Variants in KAZN observed in about 807,000 individuals in gnomAD.
KAZN encodes kazrin, periplakin interacting protein, also known as kazrin.
Under a neutral mutation model 87.4 loss-of-function variants are expected in KAZN, and 40 were observed. That is an observed-to-expected ratio of 0.46 (90% CI 0.36 to 0.60). The LOEUF (loss-of-function observed/expected upper bound fraction) is 0.60, where lower values mean the gene tolerates loss of function less well. Ranked by LOEUF, KAZN falls within the 20% of genes least tolerant of loss-of-function variation. The probability of loss-of-function intolerance (pLI) is 0.00; values close to 1 mark genes in which losing one functional copy is unlikely to be tolerated. For synonymous variants in KAZN, 466 were observed against 458.3 expected (o/e 1.02, Z -0.22); for missense variants, 898 against 1,073.9 (o/e 0.84, Z 2.29).
intron 2 of KAZN, among the ~76,000 whole-genome samples, chr1:14,278,972 A>T (rs57588469): frequency 0.039 from 5,494 of 142,664 alleles, 383 homozygotes; most frequent in African/African-American, 0.14. Flanking sequence ...TATTTCCAAC[A>T]TGCCACTGCG....
chr1:14,589,550 G>A lies in KAZN; in HGVS notation c.250-9433G>A, dbSNP rs1351169326. Among the ~76,000 whole-genome samples the A allele has an allele frequency of 3.9e-5, 6 of 152,152 alleles. No homozygotes were observed. In the East Asian group the frequency reaches 1.2e-3, roughly 29 times the overall value. On this transcript the variant is annotated intron_variant, in intron 2 of 16. Transcript: ENST00000636203. ...CTGACTTATACAGCGTACACCATTT[G>A]GCAAATACAGATTTTTCCCGGGGCA...
chr1:14,124,148 C>T (rs572010726), intron 1 of KAZN: 2 of 152,346 alleles, frequency 1.3e-5, no homozygotes, highest in African/African-American at 4.8e-5. Context: ...ACAATTTCAA[C>T]ATTTGGTGCC....
chr1:14,421,704 A>T (rs1258360421), intron 2 of KAZN, among the ~76,000 whole-genome samples: 8 of 152,190 alleles, frequency 5.3e-5, no homozygotes, highest in Admixed American at 5.2e-4. Flanking sequence ...AACTTCACAG[A>T]ACCTGATTTT....
At chr1:13,998,206 C>T (rs1213681638) in intron 1 of KAZN, among the ~76,000 whole-genome samples, 6 of 152,162 alleles carry the variant, frequency 3.9e-5, no homozygotes, top group Non-Finnish European at 7.4e-5. Flanking sequence ...CCTGCCATTG[C>T]AAGAGCTCCT....
intron 2 of KAZN, among the ~76,000 whole-genome samples, chr1:14,237,495 A>G (rs568142070): frequency 6.6e-6 from 1 of 152,258 alleles, no homozygotes; most frequent in East Asian, 1.9e-4. Context: ...GGAGAGTTTT[A>G]GTGTGCAGAT....
intron 1 of KAZN, among the ~76,000 whole-genome samples, chr1:14,690,816 T>G (rs1641246811): frequency 6.6e-6 from 1 of 152,202 alleles, no homozygotes; most frequent in African/African-American, 2.4e-5. Context: ...TAGTTTTGTG[T>G]AATTACACTC....
intron 1 of KAZN, among the ~76,000 whole-genome samples, chr1:14,011,536 A>G (rs1390723003): frequency 6.6e-6 from 1 of 152,010 alleles, no homozygotes; most frequent in South Asian, 2.1e-4. Context: ...CATTCTTCCT[A>G]TGGAAGAGCT....
intron 2 of KAZN, among the ~76,000 whole-genome samples, chr1:14,296,945 G>T (rs1016750773): frequency 2.0e-5 from 3 of 152,010 alleles, no homozygotes; most frequent in African/African-American, 4.8e-5. Context: ...TCATGTTATC[G>T]TTATGCACAA....
At chr1:14,896,157 C>T (rs950784688) in intron 1 of KAZN, among the ~76,000 whole-genome samples, 1 of 151,200 alleles carries the variant, frequency 6.6e-6, no homozygotes, top group Non-Finnish European at 1.5e-5. Flanking sequence ...CGGGTTCAAG[C>T]GATTCTCCTG....
chr1:13,953,322 T>C (rs1181603763), intron 1 of KAZN, among the ~76,000 whole-genome samples: 1 of 152,222 alleles, frequency 6.6e-6, no homozygotes, highest in African/African-American at 2.4e-5. Flanking sequence ...TACTTCATGC[T>C]GTAGAAGTCA....
intron 2 of KAZN, among the ~76,000 whole-genome samples, chr1:14,530,991 T>C (rs1039558307): frequency 6.6e-6 from 1 of 152,170 alleles, no homozygotes; most frequent in Non-Finnish European, 1.5e-5. Flanking sequence ...GAGGATCACC[T>C]GAGCCTGGGA....
intron 2 of KAZN, among the ~76,000 whole-genome samples, chr1:14,531,388 T>C (rs1188736038): frequency 6.6e-6 from 1 of 152,222 alleles, no homozygotes. Context: ...CTCACTTCTA[T>C]GCAGATTGAT....
At chr1:14,269,217 C>T (rs1036929467) in intron 2 of KAZN, among the ~76,000 whole-genome samples, 2 of 151,810 alleles carry the variant, frequency 1.3e-5, no homozygotes, top group Non-Finnish European at 2.9e-5. Context: ...CAAAGGGCCA[C>T]GTATATAAAC....
chr1:15,007,056 C>CAAAAAAA (rs35245453), intron 2 of KAZN, among the ~76,000 whole-genome samples: 1 of 67,860 alleles, frequency 1.5e-5, no homozygotes, highest in Admixed American at 1.8e-4. Context: ...GACTCCGTCT[C>CAAAAAAA]AAAAAAAAAA....
chr1:15,064,139 A>G (rs867529575), intron 7 of KAZN, among the ~76,000 whole-genome samples: 1 of 152,340 alleles, frequency 6.6e-6, no homozygotes, highest in Middle Eastern at 3.4e-3. Context: ...ATTCATTTTT[A>G]ACATTTTCAA....
At chr1:14,749,855 G>A (rs1557450574) in intron 1 of KAZN, among the ~76,000 whole-genome samples, 1 of 152,098 alleles carries the variant, frequency 6.6e-6, no homozygotes, top group South Asian at 2.1e-4. Context: ...TTGTCAAGCA[G>A]TGAGAGTAAT....
intron 1 of KAZN, among the ~76,000 whole-genome samples, chr1:14,129,731 T>C (rs1413427055): frequency 1.3e-5 from 2 of 152,074 alleles, no homozygotes; most frequent in African/African-American, 4.8e-5. Flanking sequence ...AGCCATCACA[T>C]GGAAAAACAG....
chr1:14,028,789 C>A (rs925284311), intron 1 of KAZN, among the ~76,000 whole-genome samples: 1 of 152,136 alleles, frequency 6.6e-6, no homozygotes, highest in Non-Finnish European at 1.5e-5. Context: ...CATGTCCCTA[C>A]AAAGGACATG....
At chr1:14,730,147 G>T (rs1270618709) in intron 1 of KAZN, among the ~76,000 whole-genome samples, 1 of 152,014 alleles carries the variant, frequency 6.6e-6, no homozygotes, top group Non-Finnish European at 1.5e-5. Flanking sequence ...GCAGTGGCGC[G>T]ATCTCGGCTT....
Sources: gnomAD v4.1 joint callset for allele counts (sites outside exome capture counted in the v4.1 genomes callset) on GRCh38, gnomAD v4.1.1 for gene constraint, MANE v1.5 for transcripts, NCBI Gene and HGNC (gene_info 2026-07-23, HGNC 2026-07-21) for gene names.